MAD1L1: variants seen among roughly 807,000 people sequenced by gnomAD.
The protein encoded by MAD1L1 is mitotic arrest deficient 1 like 1.
Under a neutral mutation model 96.9 loss-of-function variants are expected in MAD1L1, and 95 were observed. The observed-to-expected ratio is 0.98, with a 90% CI of 0.83 to 1.16. The LOEUF is 1.16. Among genes scored for constraint, MAD1L1 ranks in the 50% most tolerant of loss-of-function variants. MAD1L1 has a pLI of 0.00. For missense variants in MAD1L1, 1,007 were observed against 954.4 expected (o/e 1.06, Z -0.73); for synonymous variants, 473 against 396.6 (o/e 1.19, Z -2.29).
chr7:1,854,516 G>A (rs554740020), intron 18 of MAD1L1: 75 of 382,110 alleles, frequency 2.0e-4, no homozygotes, highest in Non-Finnish European at 3.4e-4. Flanking sequence ...TCTGTCACAC[G>A]GGGGAAGGGG....
chr7:2,177,228 C>G (rs1322861903), intron 10 of MAD1L1, among the ~76,000 whole-genome samples: 1 of 152,200 alleles, frequency 6.6e-6, no homozygotes, highest in Non-Finnish European at 1.5e-5. Flanking sequence ...TTTCAATGAC[C>G]TAAAATGATT....
intron 13 of MAD1L1, among the ~76,000 whole-genome samples, chr7:2,006,025 T>G (rs774691798): frequency 2.0e-5 from 3 of 151,248 alleles, no homozygotes; most frequent in Non-Finnish European, 2.9e-5. Context: ...GGCATGGAGA[T>G]GGGGGAGCGG....
chr7:1,979,540 A>C (rs1780797734), intron 15 of MAD1L1, among the ~76,000 whole-genome samples: 2 of 152,336 alleles, frequency 1.3e-5, no homozygotes, highest in Middle Eastern at 3.4e-3. Flanking sequence ...CCGGAGCTCC[A>C]CCTGCATCTG....
At chr7:1,924,443 T>C (rs1788981849) in intron 17 of MAD1L1, among the ~76,000 whole-genome samples, 1 of 152,152 alleles carries the variant, frequency 6.6e-6, no homozygotes, top group Non-Finnish European at 1.5e-5. Context: ...AGGTTGCTCA[T>C]CAGAAACCAC....
intron 18 of MAD1L1, among the ~76,000 whole-genome samples, chr7:1,859,711 G>A (rs1048151447): frequency 6.6e-6 from 1 of 152,184 alleles, no homozygotes; most frequent in Non-Finnish European, 1.5e-5. Context: ...ACCCTGCAGG[G>A]CTCCCTCTGT....
chr7:1,914,132 C>T (rs1788204716), intron 17 of MAD1L1, among the ~76,000 whole-genome samples: 1 of 152,224 alleles, frequency 6.6e-6, no homozygotes, highest in Admixed American at 6.5e-5. Context: ...GCCACACGCC[C>T]TCACTGGCTC....
intron 17 of MAD1L1, among the ~76,000 whole-genome samples, chr7:1,902,734 C>G (rs757178575): frequency 6.6e-6 from 1 of 152,264 alleles, no homozygotes; most frequent in Non-Finnish European, 1.5e-5. Flanking sequence ...GAGGACCCAG[C>G]AGCAGGCACC....
intron 11 of MAD1L1, among the ~76,000 whole-genome samples, chr7:2,144,903 GC>G (rs1789218038): frequency 6.6e-6 from 1 of 152,132 alleles, no homozygotes; most frequent in Non-Finnish European, 1.5e-5. Flanking sequence ...AGGTAAAGAG[GC>G]CCAGGATCTC....
intron 15 of MAD1L1, among the ~76,000 whole-genome samples, chr7:1,970,163 G>A (rs1278271639): frequency 6.6e-6 from 1 of 152,306 alleles, no homozygotes; most frequent in Non-Finnish European, 1.5e-5. Flanking sequence ...GAGCAGACAT[G>A]TGCAGCTGCC....
chr7:2,102,228 ACCG>A (rs1167492406), intron 11 of MAD1L1, among the ~76,000 whole-genome samples: 1 of 150,354 alleles, frequency 6.7e-6, no homozygotes, highest in African/African-American at 2.5e-5. Context: ...CACCGTCGCC[ACCG>A]CCACCACCAC....
chr7:2,096,411 G>A (rs1786492540), intron 11 of MAD1L1, among the ~76,000 whole-genome samples: 1 of 152,168 alleles, frequency 6.6e-6, no homozygotes, highest in Non-Finnish European at 1.5e-5. Context: ...GAGCCTGGCC[G>A]AACCTCAGTG....
At chr7:1,984,289 T>C (rs1028488663) in intron 14 of MAD1L1, among the ~76,000 whole-genome samples, 7 of 152,228 alleles carry the variant, frequency 4.6e-5, no homozygotes, top group Non-Finnish European at 7.3e-5. Context: ...TCACAAGAAG[T>C]TGTATTAGTT....
chr7:1,869,825 G>A (rs1445176996), intron 18 of MAD1L1, among the ~76,000 whole-genome samples: 1 of 152,164 alleles, frequency 6.6e-6, no homozygotes, highest in Non-Finnish European at 1.5e-5. Flanking sequence ...CCTAGACTGG[G>A]CTCCCGCAAG....
intron 18 of MAD1L1, among the ~76,000 whole-genome samples, chr7:1,844,848 C>T (rs60273938): frequency 1.3e-5 from 2 of 152,308 alleles, no homozygotes; most frequent in East Asian, 3.9e-4. Flanking sequence ...AGCACCTGAG[C>T]GTGTCCTCCT....
At chr7:2,001,757 G>A (rs780301242) in intron 14 of MAD1L1, among the ~76,000 whole-genome samples, 3 of 152,186 alleles carry the variant, frequency 2.0e-5, no homozygotes, top group Non-Finnish European at 2.9e-5. Context: ...CAGACCCCTC[G>A]TAGGCTCTCA....
intron 3 of MAD1L1, among the ~76,000 whole-genome samples, chr7:2,227,780 G>T (rs1793978464): frequency 6.6e-6 from 1 of 152,214 alleles, no homozygotes; most frequent in African/African-American, 2.4e-5. Flanking sequence ...CTGCAGTCAA[G>T]CCTGAGCCTC....
rs1222189155 is a variant in MAD1L1, at chr7:1,816,194, A to C, written c.2033T>G (p.Leu678Arg). ...CACGGTGTGTGAGAACTCTGTCTCC[A>C]GTAGCTGCATCTTGGAACCCGAGGG... ...TSPSGSKMQL[L>R]ETEFSHTVGE... is the part of the protein sequence containing the mutation. The change falls in exon 19 of 19, where the codon CTG becomes CGG. Residue 678 changes from leucine (L) to arginine (R), a missense_variant. Leu to Arg is a moderately radical substitution (Grantham distance 102). Transcript: ENST00000265854. 6 of 1,613,152 alleles carry C rather than the reference A, an allele frequency of 3.7e-6. No homozygotes were observed. The Admixed American group carries it at 8.3e-5, about 22-fold the overall frequency.
At chr7:1,886,339 A>T (rs1228000946) in intron 18 of MAD1L1, among the ~76,000 whole-genome samples, 1 of 152,220 alleles carries the variant, frequency 6.6e-6, no homozygotes, top group Non-Finnish European at 1.5e-5. Context: ...CTTCAGAAGG[A>T]AAGAACAGGG....
At chr7:2,186,062 C>T (rs556914222) in intron 10 of MAD1L1, among the ~76,000 whole-genome samples, 10 of 152,196 alleles carry the variant, frequency 6.6e-5, no homozygotes, top group Admixed American at 6.5e-5. Flanking sequence ...GGGCAAAAAT[C>T]GGAAACACTA....
Sources: gnomAD v4.1 joint callset for allele counts (sites outside exome capture counted in the v4.1 genomes callset) on GRCh38, gnomAD v4.1.1 for gene constraint, MANE v1.5 for transcripts, NCBI Gene and HGNC (gene_info 2026-07-23, HGNC 2026-07-21) for gene names.